ALDH1L2: variants seen among roughly 807,000 people sequenced by gnomAD.
ALDH1L2 encodes mitochondrial 10-formyltetrahydrofolate dehydrogenase.
A neutral mutation model predicts 111.0 loss-of-function variants in ALDH1L2; 91 were observed. The ratio of observed to expected loss-of-function variants is 0.82; its 90% CI spans 0.69 to 0.98. The LOEUF is 0.98. ALDH1L2 is among the 50% of genes least tolerant of loss of function. The probability of loss-of-function intolerance (pLI) is 0.00; values close to 1 mark genes in which losing one functional copy is unlikely to be tolerated. For missense variants in ALDH1L2, 995 were observed against 1,126.8 expected, an observed-to-expected ratio of 0.88 and a Z score of 1.67; for synonymous variants, 374 against 392.6, an observed-to-expected ratio of 0.95 and a Z score of 0.56.
At chr12:105,066,803 C>T (rs1877385558) in intron 4 of ALDH1L2, 134 bp from the exon 5 acceptor site, 8 of 695,430 alleles carry the variant, frequency 1.2e-5, no homozygotes, top group Non-Finnish European at 2.0e-5. Context: ...TGATAACTAC[C>T]ATTTCTTCAG....
chr12:105,052,352 G>T, intron 11 of ALDH1L2, 135 bp from the exon 12 acceptor site: 2 of 883,494 alleles, frequency 2.3e-6, no homozygotes, highest in Non-Finnish European at 3.2e-6. Flanking sequence ...AGTATATCTA[G>T]TACTACAGTA....
chr12:105,081,260 T>C (rs1379140979), intron 1 of ALDH1L2, among the ~76,000 whole-genome samples: 2 of 152,222 alleles, frequency 1.3e-5, no homozygotes, highest in Non-Finnish European at 2.9e-5. Flanking sequence ...TAATATTATA[T>C]CCTCAGGATT....
intron 22 of ALDH1L2, among the ~76,000 whole-genome samples, chr12:105,025,736 T>C (rs1192706283): frequency 6.6e-6 from 1 of 152,230 alleles, no homozygotes; most frequent in Non-Finnish European, 1.5e-5. Context: ...ATTTCAGTTT[T>C]TGAAACAACG....
At chr12:105,084,286 G>T in intron 1 of ALDH1L2, 103 bp downstream of exon 1, 1 of 1,283,794 alleles carries the variant, frequency 7.8e-7, no homozygotes, top group African/African-American at 1.6e-5. Flanking sequence ...CAAAGTCTAA[G>T]CATCGCTGCT....
At position 105,073,296 on chromosome 12, in the gene ALDH1L2, C is replaced by T. The variant is rs145495717; in HGVS notation, c.193+565G>A. Among the ~76,000 whole-genome samples, 1,130 of 152,294 alleles carry T rather than the reference C, an allele frequency of 7.4e-3. 18 individuals are homozygous for T. The highest frequency in any genetic ancestry group is 0.025 in the African/African-American group (1,046 of 41,544). On this transcript the variant is annotated intron_variant, in intron 2 of 22. Transcript: ENST00000258494. The stretch of plus-strand genomic sequence containing the variant: ...ATTCACTCCTTGATTCCAGAACACA[C>T]GCTGTTACCCACATGCTGTACCCAC...
rs1189905245 is a variant in ALDH1L2 at position 105,023,256 on chromosome 12, C to T, written c.*1168G>A. 1 of 152,160 alleles carries T rather than the reference C, an allele frequency of 6.6e-6. No homozygotes were observed. The highest frequency in any genetic ancestry group is 1.5e-5 in the Non-Finnish European group (1 of 68,038). 9.4% of individuals were successfully genotyped at this position (152,160 alleles called of 1,614,324 possible). A position where few individuals can be genotyped will look rare whatever the true frequency, so the allele number is the denominator to read the frequency against. ...CCAAGATCACACAGCCAGTGAACAGCAGAACCAATAGGTAGAAAAATGGAA... is the reference window on the plus strand; with the variant it reads ...CCAAGATCACACAGCCAGTGAACAGTAGAACCAATAGGTAGAAAAATGGAA... On this transcript the variant is annotated 3_prime_UTR_variant, in exon 23 of 23. Coordinates refer to ENST00000258494, the MANE Select transcript of ALDH1L2 (RefSeq NM_001034173.4).
At chr12:105,041,762 G>T (rs187392063) in intron 15 of ALDH1L2, among the ~76,000 whole-genome samples, 122 of 152,262 alleles carry the variant, frequency 8.0e-4, no homozygotes, top group African/African-American at 2.8e-3. Flanking sequence ...ACTGTAATCA[G>T]CAGGTTATCA....
intron 5 of ALDH1L2, among the ~76,000 whole-genome samples, chr12:105,066,106 G>A (rs1186299616): frequency 6.6e-6 from 1 of 152,114 alleles, no homozygotes; most frequent in Admixed American, 6.6e-5. Flanking sequence ...GAGCCACTGT[G>A]CCCAGCGCAC....
chr12:105,034,730 A>G (rs1172844588), intron 18 of ALDH1L2, among the ~76,000 whole-genome samples: 1 of 152,194 alleles, frequency 6.6e-6, no homozygotes, highest in East Asian at 1.9e-4. Flanking sequence ...TCACGCTTGT[A>G]ATCCCAGAAC....
rs112390530 is a variant in ALDH1L2, at chr12:105,041,601, T to G, written c.1864-907A>C. ...ACTAGTTTTAGTGTCCATGGATAAT[T>G]TCTGGATAATAATCCTAAAGTATCA... is the stretch of plus-strand genomic sequence containing the variant. On this transcript the variant is annotated intron_variant, in intron 15 of 22. Coordinates refer to ENST00000258494, the MANE Select transcript of ALDH1L2 (RefSeq NM_001034173.4). 4.0e-3 allele frequency among the ~76,000 whole-genome samples: 614 copies of G among 152,346 alleles called. 5 individuals are homozygous for G. Among genetic ancestry groups the G allele is most frequent in the African/African-American group, 0.014 (583 of 41,576 alleles).
chr12:105,065,126 A>G (rs1877267221), intron 6 of ALDH1L2, 141 bp downstream of exon 6: 2 of 490,386 alleles, frequency 4.1e-6, no homozygotes, highest in African/African-American at 2.0e-5. Flanking sequence ...TGCTTAATAC[A>G]TGCTGAGTAA....
intron 10 of ALDH1L2, among the ~76,000 whole-genome samples, chr12:105,057,152 T>C (rs1168767124): frequency 1.3e-5 from 2 of 151,946 alleles, no homozygotes; most frequent in Non-Finnish European, 2.9e-5. Context: ...CCAATAAGTA[T>C]ATGAGAAGAT....
chr12:105,045,961 T>C (rs746941917), intron 15 of ALDH1L2, among the ~76,000 whole-genome samples: 1 of 151,898 alleles, frequency 6.6e-6, no homozygotes, highest in Admixed American at 6.6e-5. Flanking sequence ...GTGCACTTTA[T>C]ATAGTAAAAG....
chr12:105,062,258 A>G (rs1335217745), intron 7 of ALDH1L2, among the ~76,000 whole-genome samples: 2 of 152,224 alleles, frequency 1.3e-5, no homozygotes, highest in East Asian at 3.8e-4. Flanking sequence ...GCAGAAAGGG[A>G]GGCTCAATGA....
rs553212264 is a variant in ALDH1L2, at chr12:105,055,758, C to T, written c.1287+2315G>A. Among the ~76,000 whole-genome samples, 5 of 151,702 alleles carry T rather than the reference C, an allele frequency of 3.3e-5. No homozygotes were observed. The South Asian group carries it at 6.3e-4, about 19-fold the overall frequency. On this transcript the variant is annotated intron_variant, in intron 10 of 22. Transcript: ENST00000258494. Reference sequence around the variant, plus strand: ...GAGATAAAAATTATTTTAAAAAGAACCAAATAAAAATGCTTAAGTTGAAAA... The same window carrying T: ...GAGATAAAAATTATTTTAAAAAGAATCAAATAAAAATGCTTAAGTTGAAAA...
In ALDH1L2 at chr12:105,020,177, T is replaced by C. The variant is rs1874094328; in HGVS notation, c.*4247A>G. On this transcript the variant is annotated 3_prime_UTR_variant, in exon 23 of 23. Transcript: ENST00000258494. ...TCATATCCTACTCTTAGCCCAGATT[T>C]TCCTTGACAGCTTTATTTTCTTGGA... The C allele has an allele frequency of 1.3e-5, 2 of 152,204 alleles. No individual in the cohort carries two copies. Among genetic ancestry groups the C allele is most frequent in the Admixed American group, 6.5e-5 (1 of 15,280 alleles). The allele number at this position is 152,204 out of a possible 1,614,324, so 9.4% of individuals were successfully genotyped here. A position where few individuals can be genotyped will look rare whatever the true frequency, so the allele number is the denominator to read the frequency against.
At position 105,044,589 on chromosome 12, in the gene ALDH1L2, C is replaced by G. The variant is rs200990736; in HGVS notation, c.1863+2121G>C. 2.1e-5 allele frequency among the ~76,000 whole-genome samples: 2 copies of G among 96,692 alleles called. 1 individual carries two copies. The highest frequency in any genetic ancestry group is 7.2e-4 in the East Asian group (2 of 2,780). The allele number at this position is 96,692 out of a possible 152,430, so 63.4% of individuals were successfully genotyped here. A position where few individuals can be genotyped will look rare whatever the true frequency, so the allele number is the denominator to read the frequency against. ...TTTAATGGGTTGTGCACCTATTAAA[C>G]AAGAGTGGGAGACAGTACTCTTGTA... is the stretch of plus-strand genomic sequence containing the variant. On this transcript the variant is annotated intron_variant, in intron 15 of 22. Transcript: ENST00000258494.
intron 9 of ALDH1L2, among the ~76,000 whole-genome samples, chr12:105,059,457 C>G (rs1469255322): frequency 6.6e-6 from 1 of 152,046 alleles, no homozygotes; most frequent in Non-Finnish European, 1.5e-5. Context: ...CCACTGCACT[C>G]CAGCCTAGGC....
At chr12:105,062,705 C>CA (rs1877072790) in intron 7 of ALDH1L2, among the ~76,000 whole-genome samples, 183 bp downstream of exon 7, 1 of 152,344 alleles carries the variant, frequency 6.6e-6, no homozygotes, top group African/African-American at 2.4e-5. Flanking sequence ...AGCCTCTTTC[C>CA]ACTTTACACA....
Sources: gnomAD v4.1 joint callset for allele counts (sites outside exome capture counted in the v4.1 genomes callset) on GRCh38, gnomAD v4.1.1 for gene constraint, MANE v1.5 for transcripts, NCBI Gene and HGNC (gene_info 2026-07-23, HGNC 2026-07-21) for gene names.